The following CNTNAP5 variants were observed in gnomAD, a reference collection of about 807,000 sequenced individuals.
CNTNAP5 encodes contactin-associated protein-like 5.
CNTNAP5 carries 72 observed loss-of-function variants against 150.2 expected under a neutral mutation model. The observed-to-expected ratio is 0.48, with a 90% confidence interval of 0.40 to 0.58. The LOEUF (loss-of-function observed/expected upper bound fraction) is 0.58, where lower values mean the gene tolerates loss of function less well. Ranked by LOEUF, CNTNAP5 falls within the 20% of genes least tolerant of loss-of-function variation. The pLI, the probability that CNTNAP5 is intolerant of heterozygous loss-of-function variation, is 0.00. For missense variants in CNTNAP5, 1,636 were observed against 1,626.2 expected (o/e 1.01, Z -0.10); for synonymous variants, 672 against 619.8 (o/e 1.08, Z -1.25).
At chr2:124,866,984 A>T (rs769999281) in intron 20 of CNTNAP5, among the ~76,000 whole-genome samples, 25 of 152,038 alleles carry the variant, frequency 1.6e-4, no homozygotes, top group Non-Finnish European at 2.8e-4. Context: ...CACATTACCT[A>T]CCTACCACAT....
At chr2:124,522,555 C>T (rs1271788615) in intron 8 of CNTNAP5, among the ~76,000 whole-genome samples, 15 of 152,224 alleles carry the variant, frequency 9.9e-5, no homozygotes, top group Admixed American at 9.8e-4. Context: ...ATTTTCATCT[C>T]TGGCTGCACA....
intron 14 of CNTNAP5, among the ~76,000 whole-genome samples, chr2:124,757,547 C>A (rs1301864239): frequency 6.6e-6 from 1 of 152,212 alleles, no homozygotes; most frequent in Admixed American, 6.5e-5. Context: ...GCTTTGGCAT[C>A]TAAATCTGTG....
chr2:124,076,230 G>A (rs1682434496), intron 1 of CNTNAP5, among the ~76,000 whole-genome samples: 1 of 152,068 alleles, frequency 6.6e-6, no homozygotes, highest in Non-Finnish European at 1.5e-5. Context: ...AACCCTGACT[G>A]TGATCTCTGT....
At chr2:124,776,321 A>G (rs1348502031) in intron 17 of CNTNAP5, among the ~76,000 whole-genome samples, 1 of 151,810 alleles carries the variant, frequency 6.6e-6, no homozygotes, top group East Asian at 1.9e-4. Context: ...TATTTGTGTC[A>G]AAATAAACTG....
At chr2:124,051,312 A>T (rs906592589) in intron 1 of CNTNAP5, among the ~76,000 whole-genome samples, 48 of 152,072 alleles carry the variant, frequency 3.2e-4, no homozygotes, top group Admixed American at 4.6e-4. Flanking sequence ...TGCAGGCTCC[A>T]CTCTAATTGA....
intron 3 of CNTNAP5, among the ~76,000 whole-genome samples, chr2:124,250,350 G>T (rs1687142243): frequency 6.6e-6 from 1 of 152,052 alleles, no homozygotes; most frequent in Non-Finnish European, 1.5e-5. Context: ...ACTTTAAATG[G>T]ACTGAACCAT....
intron 1 of CNTNAP5, among the ~76,000 whole-genome samples, chr2:124,137,328 G>A (rs1683997214): frequency 6.7e-6 from 1 of 150,184 alleles, no homozygotes; most frequent in Admixed American, 6.6e-5. Context: ...TGTTCTCCAT[G>A]TTAATCCAAA....
Position 124,899,954 on chromosome 2 carries a change from T to G in CNTNAP5, c.3437-2928T>G, listed in dbSNP as rs114915779. ...ATTTTTTAGATAATTTATGTAAAAT[T>G]ATTTTACTCTATACAGGAGATATTT... On this transcript the variant is annotated intron_variant, in intron 21 of 23. Transcript: ENST00000682447. Among the ~76,000 whole-genome samples, 59 of 151,490 alleles carry G rather than the reference T, an allele frequency of 3.9e-4. 3 individuals carry two copies. Among genetic ancestry groups the G allele is most frequent in the African/African-American group, 1.3e-3 (54 of 40,868 alleles).
At chr2:124,393,729 G>C (rs1039677115) in intron 3 of CNTNAP5, among the ~76,000 whole-genome samples, 6 of 152,210 alleles carry the variant, frequency 3.9e-5, no homozygotes, top group Admixed American at 3.9e-4. Context: ...AAGCGGGGCA[G>C]GATGTAGTTC....
chr2:124,329,578 C>A (rs1689298964), intron 3 of CNTNAP5, among the ~76,000 whole-genome samples: 1 of 152,068 alleles, frequency 6.6e-6, no homozygotes, highest in Non-Finnish European at 1.5e-5. Context: ...CATTTCCCTG[C>A]TCAAATATTT....
chr2:124,599,765 C>T (rs565221570), intron 11 of CNTNAP5, among the ~76,000 whole-genome samples: 2 of 152,194 alleles, frequency 1.3e-5, no homozygotes, highest in South Asian at 4.1e-4. Context: ...TGGAGTATTA[C>T]TTACTCAGTG....
At chr2:124,174,053 T>A (rs2104668702) in intron 1 of CNTNAP5, among the ~76,000 whole-genome samples, 1 of 151,164 alleles carries the variant, frequency 6.6e-6, no homozygotes, top group African/African-American at 2.4e-5. Flanking sequence ...GCAGCACATC[T>A]ATCTATAGCA....
chr2:124,216,984 A>G (rs1686174533), intron 1 of CNTNAP5, among the ~76,000 whole-genome samples: 2 of 152,158 alleles, frequency 1.3e-5, no homozygotes, highest in Admixed American at 1.3e-4. Context: ...CACAATGGTT[A>G]AACTAGTTTA....
chr2:124,262,499 T>G (rs1002561673), intron 3 of CNTNAP5, among the ~76,000 whole-genome samples: 1 of 152,248 alleles, frequency 6.6e-6, no homozygotes, highest in African/African-American at 2.4e-5. Flanking sequence ...CTTAATAAAT[T>G]CAGAGAGAAA....
intron 1 of CNTNAP5, among the ~76,000 whole-genome samples, chr2:124,207,515 A>G (rs1685892004): frequency 6.6e-6 from 1 of 152,218 alleles, no homozygotes; most frequent in Non-Finnish European, 1.5e-5. Context: ...GAGACTTGAA[A>G]TGATGACTAC....
intron 8 of CNTNAP5, among the ~76,000 whole-genome samples, chr2:124,523,759 C>T (rs751322724): frequency 2.0e-5 from 3 of 152,074 alleles, no homozygotes; most frequent in African/African-American, 4.8e-5. Context: ...GTATGAAAAA[C>T]GCTGCAATTG....
chr2:124,468,792 C>T (rs913270525), intron 6 of CNTNAP5, among the ~76,000 whole-genome samples: 2 of 152,222 alleles, frequency 1.3e-5, no homozygotes, highest in Admixed American at 1.3e-4. Context: ...CCTCAACCTG[C>T]TCTTCTGGTC....
chr2:124,867,723 C>T (rs907320337), intron 20 of CNTNAP5, among the ~76,000 whole-genome samples: 1 of 152,184 alleles, frequency 6.6e-6, no homozygotes, highest in Non-Finnish European at 1.5e-5. Flanking sequence ...ACTCCATACT[C>T]ATCTCATTCG....
At chr2:124,373,260 G>A (rs1225779351) in intron 3 of CNTNAP5, among the ~76,000 whole-genome samples, 2 of 152,130 alleles carry the variant, frequency 1.3e-5, no homozygotes, top group Admixed American at 1.3e-4. Flanking sequence ...AAAAGTAGGT[G>A]TTGCTGTATA....
Sources: allele counts gnomAD v4.1 joint callset (sites outside exome capture counted in the v4.1 genomes callset), GRCh38; gene constraint gnomAD v4.1.1; transcripts MANE v1.5; gene names NCBI Gene and HGNC (gene_info 2026-07-23, HGNC 2026-07-21).